Variants in FKBP15 observed in about 807,000 individuals in gnomAD.
FKBP15 encodes FK506-binding protein 15.
Under a neutral mutation model 158.1 loss-of-function variants are expected in FKBP15, and 106 were observed. That is an observed-to-expected ratio of 0.67 (90% CI 0.57 to 0.79). The LOEUF (loss-of-function observed/expected upper bound fraction) is 0.79, where lower values mean the gene tolerates loss of function less well. Ranked by LOEUF, FKBP15 falls within the 30% of genes least tolerant of loss-of-function variation. The pLI, the probability that FKBP15 is intolerant of heterozygous loss-of-function variation, is 0.00. For missense variants in FKBP15, 1,287 were observed against 1,479.1 expected (o/e 0.87, Z 2.13); for synonymous variants, 547 against 548.6 (o/e 1.00, Z 0.04).
intron 21 of FKBP15, among the ~76,000 whole-genome samples, chr9:113,176,296 A>ATG (rs753743264): frequency 6.6e-6 from 1 of 152,204 alleles, no homozygotes; most frequent in African/African-American, 2.4e-5. Context: ...ACATACATGT[A>ATG]TGTGTGTGAG....
chr9:113,186,254 A>C lies in FKBP15; in HGVS notation c.1493T>G (p.Phe498Cys). The change falls in exon 15 of 28, where the codon TTC becomes TGC. Residue 498 changes from phenylalanine (F) to cysteine (C), a missense_variant. By Grantham distance (205) the Phe-to-Cys change is radical. Transcript: ENST00000238256. Reference protein sequence around the residue: ...YPAPLSQPPHFQGSGDMASFL... With the variant: ...YPAPLSQPPHCQGSGDMASFL... ...CTGAGGGAATTACTCCCTACCTTGG[A>C]AATGGGGAGGCTGAGAGAGCGGTGC... The C allele has an allele frequency of 6.4e-7, 1 of 1,559,102 alleles. No individual in the cohort carries two copies. Among genetic ancestry groups the C allele is most frequent in the East Asian group, 2.4e-5 (1 of 41,662 alleles).
intron 18 of FKBP15, among the ~76,000 whole-genome samples, 158 bp downstream of exon 18, chr9:113,183,593 T>C (rs1023066634): frequency 6.6e-6 from 1 of 152,178 alleles, no homozygotes; most frequent in African/African-American, 2.4e-5. Context: ...TCTACTGCAA[T>C]GCCTCTCAGA....
At chr9:113,189,592 T>G (rs1830541297) in intron 12 of FKBP15, among the ~76,000 whole-genome samples, 1 of 152,088 alleles carries the variant, frequency 6.6e-6, no homozygotes, top group South Asian at 2.1e-4. Context: ...CCTATCTTCC[T>G]TTAAGATGTT....
chr9:113,186,259 G>A lies in FKBP15; in HGVS notation c.1488C>T (p.Pro496=). 1.3e-6 allele frequency: 2 copies of A among 1,560,834 alleles called. No homozygotes were observed. Among genetic ancestry groups the A allele is most frequent in the East Asian group, 2.4e-5 (1 of 41,804 alleles). The change falls in exon 15 of 28, where the codon CCC becomes CCT. Residue 496 remains proline, a synonymous_variant. Transcript: ENST00000238256. ...PLYPAPLSQP[P]HFQGSGDMAS... ...GGAATTACTCCCTACCTTGGAAATG[G>A]GGAGGCTGAGAGAGCGGTGCTGGGT...
intron 1 of FKBP15, among the ~76,000 whole-genome samples, chr9:113,214,848 T>G (rs985728004): frequency 6.6e-6 from 1 of 152,384 alleles, no homozygotes; most frequent in African/African-American, 2.4e-5. Flanking sequence ...TTGCAATCAC[T>G]TGCTCCTTCA....
rs953552949 is a variant in FKBP15, at chr9:113,202,866, C to T, written c.399+95G>A. 7 of 1,040,580 alleles carry T rather than the reference C, an allele frequency of 6.7e-6. No homozygotes were observed. The Admixed American group carries it at 1.0e-4, about 16-fold the overall frequency. 64.5% of individuals were successfully genotyped at this position (1,040,580 alleles called of 1,614,324 possible). A position where few individuals can be genotyped will look rare whatever the true frequency, so the allele number is the denominator to read the frequency against. On this transcript the variant is annotated intron_variant, in intron 5 of 27. Transcript: ENST00000238256. Reference sequence around the variant, plus strand: ...ACTCACAAGGACACCCAGGGCTGAACCAGTGGATCTAATTTCTATTAGGTA... The same window carrying T: ...ACTCACAAGGACACCCAGGGCTGAATCAGTGGATCTAATTTCTATTAGGTA...
chr9:113,185,487 A>C (rs969819426), intron 15 of FKBP15, among the ~76,000 whole-genome samples: 4 of 152,206 alleles, frequency 2.6e-5, no homozygotes, highest in African/African-American at 9.7e-5. Flanking sequence ...ACCAGTCCAG[A>C]ACCACAAATT....
chr9:113,200,172 C>G (rs1447734249), intron 6 of FKBP15, among the ~76,000 whole-genome samples: 1 of 152,208 alleles, frequency 6.6e-6, no homozygotes, highest in Non-Finnish European at 1.5e-5. Flanking sequence ...GGTACAGATC[C>G]AGGCACTGCC....
At chr9:113,181,070 T>C (rs941888264) in intron 19 of FKBP15, among the ~76,000 whole-genome samples, 1 of 152,178 alleles carries the variant, frequency 6.6e-6, no homozygotes, top group Non-Finnish European at 1.5e-5. Context: ...AAGTAAAACA[T>C]GTGGTACTTG....
At chr9:113,196,380 ACTTTTT>A (rs572368350) in intron 9 of FKBP15, among the ~76,000 whole-genome samples, 2,648 of 127,466 alleles carry the variant, frequency 0.021, 89 homozygotes, top group African/African-American at 0.07. Context: ...TGAAGAAGTG[ACTTTTT>A]TTTTTTTTTT....
intron 3 of FKBP15, chr9:113,206,785 T>G: frequency 2.0e-6 from 1 of 511,258 alleles, no homozygotes; most frequent in South Asian, 2.6e-5. Context: ...GACATGATCT[T>G]GGCTCACTGC....
At chr9:113,202,373 A>C (rs1830808462) in intron 6 of FKBP15, among the ~76,000 whole-genome samples, 158 bp downstream of exon 6, 1 of 152,216 alleles carries the variant, frequency 6.6e-6, no homozygotes, top group African/African-American at 2.4e-5. Context: ...TATTTTCCTG[A>C]AATCATACAA....
rs1374824850 is a variant in FKBP15 at position 113,173,611 on chromosome 9, A to G, written c.2380-6T>C. 6.2e-7 allele frequency: 1 copy of G among 1,612,908 alleles called. No individual in the cohort carries two copies. The highest frequency in any genetic ancestry group is 8.5e-7 in the Non-Finnish European group (1 of 1,179,262). ...TCAGCCTGTACTAAAGACAGCTGCC[A>G]AGAGAAAGTAATGACCATATCATCC... On this transcript the variant is annotated splice_region_variant and splice_polypyrimidine_tract_variant and intron_variant, in intron 22 of 27. Transcript: ENST00000238256.
rs895413967 is a variant in FKBP15, at chr9:113,169,681, C to T, written c.3028G>A (p.Gly1010Arg). Residue 1010 changes from glycine (G) to arginine (R), a missense_variant, in exon 26 of 28, where the codon GGG becomes AGG. Coordinates refer to ENST00000238256, the MANE Select transcript of FKBP15 (RefSeq NM_015258.2). The part of the protein sequence containing the change: ...TTSQDGHRRK[G>R]DSEAEALSEI... ...GAGAGTGCCTCAGCTTCTGAGTCCCCTTTCCTTCTGTGTCCATCCTGGGAA... is the reference window on the plus strand; with the variant it reads ...GAGAGTGCCTCAGCTTCTGAGTCCCTTTTCCTTCTGTGTCCATCCTGGGAA... 5.0e-6 allele frequency: 8 copies of T among 1,613,834 alleles called. No individual in the cohort carries two copies. Among genetic ancestry groups the T allele is most frequent in the Non-Finnish European group, 6.8e-6 (8 of 1,179,868 alleles).
rs1022225137 is a variant in FKBP15 at position 113,164,809 on chromosome 9, A to G, written c.*1269T>C. 4 of 152,240 alleles carry G rather than the reference A, an allele frequency of 2.6e-5. No homozygotes were observed. The highest frequency in any genetic ancestry group is 9.6e-5 in the African/African-American group (4 of 41,464). 9.4% of individuals were successfully genotyped at this position (152,240 alleles called of 1,614,324 possible). A position where few individuals can be genotyped will look rare whatever the true frequency, so the allele number is the denominator to read the frequency against. ...CAGTTTTCTCCTCTATAAAATGGTG[A>G]TAACACTGTCTTCTGCAGTGGTTGC... On this transcript the variant is annotated 3_prime_UTR_variant, in exon 28 of 28. Coordinates refer to ENST00000238256, the MANE Select transcript of FKBP15 (RefSeq NM_015258.2).
At chr9:113,171,489 T>A in intron 24 of FKBP15, 92 bp downstream of exon 24, 1 of 1,430,966 alleles carries the variant, frequency 7.0e-7, no homozygotes, top group Non-Finnish European at 9.4e-7. Context: ...TCACTAAAGT[T>A]AGAAAAAGAG....
At chr9:113,187,314 G>T (rs1830501755) in intron 14 of FKBP15, 1 of 161,470 alleles carries the variant, frequency 6.2e-6, no homozygotes, top group African/African-American at 2.4e-5. Flanking sequence ...CTGGCAAACA[G>T]GCTGCTGCCA....
Position 113,184,537 on chromosome 9 carries a change from C to T in FKBP15, c.1609-138G>A. The T allele has an allele frequency of 1.1e-6, 1 of 917,216 alleles. No individual in the cohort carries two copies. Among genetic ancestry groups the T allele is most frequent in the Non-Finnish European group, 1.7e-6 (1 of 586,064 alleles). 56.8% of individuals were successfully genotyped at this position (917,216 alleles called of 1,614,324 possible). A position where few individuals can be genotyped will look rare whatever the true frequency, so the allele number is the denominator to read the frequency against. On this transcript the variant is annotated intron_variant, in intron 16 of 27. Coordinates refer to ENST00000238256, the MANE Select transcript of FKBP15 (RefSeq NM_015258.2). The surrounding 1 kb of genome is among the most constrained non-coding windows in gnomAD (Gnocchi z 4.5). ...CTAACTGTTAAGTTAGAGTTTTCTC[C>T]TACTAACTGGATCCCAACATAATTA...
At chr9:113,187,693 G>C in intron 14 of FKBP15, 100 bp downstream of exon 14, 2 of 934,890 alleles carry the variant, frequency 2.1e-6, no homozygotes, top group Admixed American at 2.4e-5. Context: ...CTCTGACTTT[G>C]GGGAACTGCT....
Sources: allele counts gnomAD v4.1 joint callset (sites outside exome capture counted in the v4.1 genomes callset), GRCh38; gene constraint gnomAD v4.1.1; non-coding constraint Gnocchi (gnomAD v3.1); transcripts MANE v1.5; gene names NCBI Gene and HGNC (gene_info 2026-07-23, HGNC 2026-07-21).